The following GSG1L variants were observed in gnomAD, a reference collection of about 807,000 sequenced individuals.
GSG1L encodes germ cell-specific gene 1-like protein.
GSG1L carries 24 observed loss-of-function variants against 42.1 expected under a neutral mutation model. The observed-to-expected ratio is 0.57, with a 90% CI of 0.41 to 0.80. GSG1L has a LOEUF of 0.80. GSG1L is among the 30% of genes least tolerant of loss of function. The probability of loss-of-function intolerance (pLI) is 0.00; values close to 1 mark genes in which losing one functional copy is unlikely to be tolerated. For missense variants in GSG1L, 445 were observed against 472.2 expected (o/e 0.94, Z 0.53); for synonymous variants, 215 against 203.5 (o/e 1.06, Z -0.48).
chr16:28,032,987 T>A (rs980046342), intron 1 of GSG1L, among the ~76,000 whole-genome samples: 86 of 152,182 alleles, frequency 5.7e-4, no homozygotes, highest in African/African-American at 2.0e-3. Flanking sequence ...CCTTCCTGCT[T>A]AAACGCCCTC....
At chr16:28,061,224 A>C in intron 1 of GSG1L, among the ~76,000 whole-genome samples, 1 of 152,232 alleles carries the variant, frequency 6.6e-6, no homozygotes, top group Non-Finnish European at 1.5e-5. Context: ...TGTTCCTGAC[A>C]ACAAGGTGTT....
At chr16:27,898,187 A>C (rs543833873) in intron 2 of GSG1L, among the ~76,000 whole-genome samples, 1 of 152,278 alleles carries the variant, frequency 6.6e-6, no homozygotes, top group African/African-American at 2.4e-5. Context: ...TGGCCTTCAG[A>C]ATCAGATGAC....
intron 1 of GSG1L, among the ~76,000 whole-genome samples, chr16:27,985,415 G>A (rs1249639523): frequency 6.6e-6 from 1 of 152,048 alleles, no homozygotes; most frequent in Non-Finnish European, 1.5e-5. Context: ...TCTCACCATG[G>A]GACACACTGC....
At chr16:27,993,572 T>C (rs1235974485) in intron 1 of GSG1L, among the ~76,000 whole-genome samples, 1 of 152,160 alleles carries the variant, frequency 6.6e-6, no homozygotes, top group East Asian at 1.9e-4. Context: ...AATCAAAGAA[T>C]GGCCCAGCCT....
chr16:27,942,067 GA>G (rs1186592542), intron 2 of GSG1L, among the ~76,000 whole-genome samples: 1 of 151,596 alleles, frequency 6.6e-6, no homozygotes, highest in African/African-American at 2.4e-5. Context: ...TAATGCCACT[GA>G]ACTGTACACT....
At chr16:28,016,829 C>A (rs2141161738) in intron 1 of GSG1L, among the ~76,000 whole-genome samples, 1 of 152,322 alleles carries the variant, frequency 6.6e-6, no homozygotes, top group Admixed American at 6.5e-5. Flanking sequence ...GTTAAATGAT[C>A]TGTCCAAGGT....
At chr16:28,054,425 T>C (rs1416066490) in intron 1 of GSG1L, among the ~76,000 whole-genome samples, 1 of 152,112 alleles carries the variant, frequency 6.6e-6, no homozygotes, top group Non-Finnish European at 1.5e-5. Flanking sequence ...GGTCAGGAAT[T>C]GGAGACCAGC....
intron 3 of GSG1L, among the ~76,000 whole-genome samples, chr16:27,858,857 G>A (rs74013597): frequency 0.018 from 2,685 of 152,268 alleles, 79 homozygotes; most frequent in African/African-American, 0.061. Context: ...GGCAAAGAAC[G>A]GGATATGGAA....
intron 3 of GSG1L, among the ~76,000 whole-genome samples, chr16:27,866,852 A>G (rs2083732839): frequency 6.6e-6 from 1 of 152,118 alleles, no homozygotes; most frequent in Admixed American, 6.5e-5. Context: ...GATTACAAGC[A>G]TGAGCCACCG....
chr16:27,858,050 C>T (rs1439422948), intron 3 of GSG1L, among the ~76,000 whole-genome samples: 1 of 152,214 alleles, frequency 6.6e-6, no homozygotes, highest in Non-Finnish European at 1.5e-5. Context: ...ACCTTCCATC[C>T]CTCTGGTCTC....
chr16:27,838,203 A>G (rs1596545536), intron 4 of GSG1L, among the ~76,000 whole-genome samples: 2 of 152,376 alleles, frequency 1.3e-5, no homozygotes, highest in East Asian at 3.9e-4. Context: ...TGCCTGGCAC[A>G]TAATAGGTGC....
chr16:27,826,012 G>A (rs1365834429), intron 5 of GSG1L, among the ~76,000 whole-genome samples: 3 of 152,142 alleles, frequency 2.0e-5, no homozygotes, highest in Non-Finnish European at 2.9e-5. Flanking sequence ...GACTAATACA[G>A]CAACAGAGTG....
chr16:27,856,774 A>G (rs1386783528), intron 3 of GSG1L, among the ~76,000 whole-genome samples: 3 of 152,234 alleles, frequency 2.0e-5, no homozygotes, highest in African/African-American at 7.2e-5. Flanking sequence ...CGAAGTGAAC[A>G]TTGTACCTTG....
chr16:27,850,903 A>C (rs928043695), intron 3 of GSG1L, among the ~76,000 whole-genome samples: 1 of 151,678 alleles, frequency 6.6e-6, no homozygotes, highest in East Asian at 1.9e-4. Flanking sequence ...AGCCTCCCAA[A>C]GCTCTGGAAT....
chr16:27,845,178 G>T (rs1420102930), intron 3 of GSG1L, 117 bp from the exon 4 acceptor site: 1 of 645,966 alleles, frequency 1.5e-6, no homozygotes, highest in Non-Finnish European at 2.7e-6. Context: ...GTGGAGAACA[G>T]GGACCTCTGG....
In GSG1L at chr16:27,888,377, GTTCT is replaced by G. The variant is rs796572090; in HGVS notation, c.398-3743_398-3740del. The stretch of plus-strand genomic sequence containing the variant: ...TACCCCGATGCCTGGCGGGGTTGTG[GTTCT>G]TTCTTTCTTTTCTTTTCTCCTTCTT... On this transcript the variant is annotated intron_variant, in intron 2 of 6. Coordinates refer to ENST00000447459, the MANE Select transcript of GSG1L (RefSeq NM_001109763.2). Among the ~76,000 whole-genome samples, 74 of 151,932 alleles carry G rather than the reference GTTCT, an allele frequency of 4.9e-4. No individual in the cohort carries two copies. The South Asian group carries it at 0.014, about 29-fold the overall frequency.
chr16:28,058,876 A>G (rs1372273439), intron 1 of GSG1L, among the ~76,000 whole-genome samples: 2 of 152,186 alleles, frequency 1.3e-5, no homozygotes, highest in African/African-American at 4.8e-5. Flanking sequence ...CAAGACAGGT[A>G]CAGGGAAGGC....
intron 4 of GSG1L, among the ~76,000 whole-genome samples, chr16:27,835,649 A>G (rs1173216526): frequency 6.6e-6 from 1 of 150,814 alleles, no homozygotes; most frequent in Non-Finnish European, 1.5e-5. Context: ...ATTTATCTAT[A>G]GTTATTTTGA....
At chr16:28,008,343 G>C (rs997813356) in intron 1 of GSG1L, among the ~76,000 whole-genome samples, 6 of 152,248 alleles carry the variant, frequency 3.9e-5, no homozygotes, top group Non-Finnish European at 8.8e-5. Flanking sequence ...GCCTCCCAAA[G>C]TGTTGGGATT....
Sources: allele counts gnomAD v4.1 joint callset (sites outside exome capture counted in the v4.1 genomes callset), GRCh38; gene constraint gnomAD v4.1.1; transcripts MANE v1.5; gene names NCBI Gene and HGNC (gene_info 2026-07-23, HGNC 2026-07-21).